Variants in ILK observed in about 807,000 individuals in gnomAD.
The protein encoded by ILK is integrin linked kinase, also known as scaffold protein ILK.
Under a neutral mutation model 57.8 loss-of-function variants are expected in ILK, and 37 were observed. That is an observed-to-expected ratio of 0.64 (90% CI 0.49 to 0.84). The LOEUF is 0.84. Ranked by LOEUF, ILK falls within the 40% of genes least tolerant of loss-of-function variation. The probability of loss-of-function intolerance (pLI) is 0.00; values close to 1 mark genes in which losing one functional copy is unlikely to be tolerated. For missense variants in ILK, 528 were observed against 595.7 expected (o/e 0.89, Z 1.18); for synonymous variants, 231 against 202.2 (o/e 1.14, Z -1.21).
chr11:6,609,554 C>T lies in ILK; in HGVS notation c.771C>T (p.Cys257=), dbSNP rs1292717719. The T allele has an allele frequency of 1.9e-6, 3 of 1,614,002 alleles. No individual in the cohort carries two copies. The highest frequency in any genetic ancestry group is 1.3e-5 in the African/African-American group (1 of 74,926). Residue 257 remains cysteine, a synonymous_variant, in exon 9 of 13, where the codon TGC becomes TGT. Coordinates refer to ENST00000299421, the MANE Select transcript of ILK (RefSeq NM_004517.4). ...ATGTGCTCCCAGTGCTAGGTGCCTGCCAGTCTCCACCTGCTCCTCATCCTA... is the reference window on the plus strand; with the variant it reads ...ATGTGCTCCCAGTGCTAGGTGCCTGTCAGTCTCCACCTGCTCCTCATCCTA... ...HPNVLPVLGA[C]QSPPAPHPTL...
rs770490553 is a variant in ILK at position 6,609,208 on chromosome 11, G to C, written c.618+52G>C. On this transcript the variant is annotated intron_variant, in intron 7 of 12. Transcript: ENST00000299421. ...CTCACTAAACCCCCATAAATTACTT[G>C]CTTTGTACCTGTTTTAAGTTTTTCC... The C allele has an allele frequency of 3.7e-6, 6 of 1,600,358 alleles. No individual in the cohort carries two copies. The South Asian group carries it at 6.6e-5, about 18-fold the overall frequency.
rs1564846859 is a variant in ILK, at chr11:6,609,063, A to T, written c.533-8A>T. On this transcript the variant is annotated splice_polypyrimidine_tract_variant and splice_region_variant and intron_variant, in intron 6 of 12. Coordinates refer to ENST00000299421, the MANE Select transcript of ILK (RefSeq NM_004517.4). ...GAAGCTGGGTACCTGACCTGCCCAC[A>T]CTCTTAGGAAATGGAACCCTGAACA... 17 of 1,613,742 alleles carry T rather than the reference A, an allele frequency of 1.1e-5. No individual in the cohort carries two copies. The highest frequency in any genetic ancestry group is 1.4e-5 in the Non-Finnish European group (16 of 1,179,726).
Position 6,610,714 on chromosome 11 carries a change from C to A in ILK, c.*103C>A. ...TCTGGTTGCCTCCCCCGCCTCCAGT[C>A]ATGGTACTACCCCAGCCATGGGGTC... is the stretch of plus-strand genomic sequence containing the variant. On this transcript the variant is annotated 3_prime_UTR_variant, in exon 13 of 13. Coordinates refer to ENST00000299421, the MANE Select transcript of ILK (RefSeq NM_004517.4). 1 of 1,448,578 alleles carries A rather than the reference C, an allele frequency of 6.9e-7. No individual in the cohort carries two copies. The highest frequency in any genetic ancestry group is 9.6e-7 in the Non-Finnish European group (1 of 1,038,436). 89.7% of individuals were successfully genotyped at this position (1,448,578 alleles called of 1,614,324 possible).
At chr11:6,604,852 G>C in intron 2 of ILK, 1 of 456,736 alleles carries the variant, frequency 2.2e-6, no homozygotes, top group Non-Finnish European at 4.4e-6. Context: ...CCATTTTTCA[G>C]TATCGTCTTG....
intron 2 of ILK, among the ~76,000 whole-genome samples, chr11:6,605,383 T>C (rs902212989): frequency 8.0e-6 from 1 of 124,558 alleles, no homozygotes; most frequent in Admixed American, 8.7e-5. Flanking sequence ...GAAAAAGAAA[T>C]AGGAAAATGT....
Position 6,608,142 on chromosome 11 carries a change from A to C in ILK, c.186A>C (p.Val62=), listed in dbSNP as rs1855121463. 8.7e-6 allele frequency: 14 copies of C among 1,614,118 alleles called. No homozygotes were observed. The highest frequency in any genetic ancestry group is 1.2e-5 in the Non-Finnish European group (14 of 1,179,990). ...MLIMRGARIN[V]MNRGDDTPLH... is the part of the protein sequence containing the mutation. ...TCATGCGGGGGGCACGGATCAATGT[A>C]ATGAACCGTGGGGATGACACCCCCC... Residue 62 remains valine, a synonymous_variant, in exon 3 of 13, where the codon GTA becomes GTC. Transcript: ENST00000299421. This position sits in a 1 kb window ranked among gnomAD's most constrained non-coding sequence, Gnocchi z 4.9.
rs753781705 is a variant in ILK at position 6,609,057 on chromosome 11, G to GC, written c.533-11dup. 8 of 1,613,152 alleles carry GC rather than the reference G, an allele frequency of 5.0e-6. No individual in the cohort carries two copies. Among genetic ancestry groups the GC allele is most frequent in the Non-Finnish European group, 6.8e-6 (8 of 1,179,098 alleles). On this transcript the variant is annotated splice_polypyrimidine_tract_variant and intron_variant, in intron 6 of 12. Coordinates refer to ENST00000299421, the MANE Select transcript of ILK (RefSeq NM_004517.4). ...TAGGGTGAAGCTGGGTACCTGACCT[G>GC]CCCACACTCTTAGGAAATGGAACCC...
chr11:6,609,857 A>G lies in ILK; in HGVS notation c.978+12A>G, dbSNP rs1855324175. 11 of 1,614,246 alleles carry G rather than the reference A, an allele frequency of 6.8e-6. No homozygotes were observed. The highest frequency in any genetic ancestry group is 8.5e-6 in the Non-Finnish European group (10 of 1,180,044). On this transcript the variant is annotated intron_variant, in intron 10 of 12. Transcript: ENST00000299421. Reference sequence around the variant, plus strand: ...GCCGTAGTGTAATGGTGAGGCCACAAGCTCACTCCTGGCCCAGGCCCCAAA... The same window carrying G: ...GCCGTAGTGTAATGGTGAGGCCACAGGCTCACTCCTGGCCCAGGCCCCAAA...
At position 6,610,194 on chromosome 11, in the gene ILK, G is replaced by C. The variant is rs1454962994; in HGVS notation, c.1125G>C (p.Met375Ile). ...PEDTNRRSAD[M>I]WSFAVLLWEL... ...ACACAAACAGACGCTCAGCAGACAT[G>C]TGGAGTTTTGCAGTGCTTCTGTGGG... The change falls in exon 12 of 13, where the codon ATG (methionine) becomes ATC (isoleucine). Residue 375 changes from methionine to isoleucine, a missense_variant. Coordinates refer to ENST00000299421, the MANE Select transcript of ILK (RefSeq NM_004517.4). 1 of 1,614,238 alleles carries C rather than the reference G, an allele frequency of 6.2e-7. No homozygotes were observed. The highest frequency in any genetic ancestry group is 8.5e-7 in the Non-Finnish European group (1 of 1,180,040).
rs914104293 is a variant in ILK, at chr11:6,604,564, G to C, written c.89+204G>C. 99 of 649,126 alleles carry C rather than the reference G, an allele frequency of 1.5e-4. No homozygotes were observed. In the Admixed American group the frequency reaches 2.1e-3, roughly 14 times the overall value. 40.2% of individuals were successfully genotyped at this position (649,126 alleles called of 1,614,324 possible). On this transcript the variant is annotated intron_variant, in intron 2 of 12. Coordinates refer to ENST00000299421, the MANE Select transcript of ILK (RefSeq NM_004517.4). ...GCAGAATAAGAGTTTCACAGGCAGA[G>C]GCTACAGAGAGCTTTCCAGCCTCAG...
In ILK at chr11:6,609,808, T is replaced by A. The variant is rs148581987; in HGVS notation, c.941T>A (p.Leu314His). Residue 314 changes from leucine to histidine, a missense_variant, in exon 10 of 13, where the codon CTC becomes CAC. Physicochemically the swap from Leu to His is moderately conservative, Grantham distance 99. Coordinates refer to ENST00000299421, the MANE Select transcript of ILK (RefSeq NM_004517.4). Reference protein sequence around the residue: ...GMAFLHTLEPLIPRHALNSRS... With the variant: ...GMAFLHTLEPHIPRHALNSRS... ...GCCTTCCTACACACACTAGAGCCCC[T>A]CATCCCACGACATGCACTCAATAGC... 2 of 1,614,148 alleles carry A rather than the reference T, an allele frequency of 1.2e-6. No individual in the cohort carries two copies. The highest frequency in any genetic ancestry group is 1.7e-6 in the Non-Finnish European group (2 of 1,180,020).
At chr11:6,606,388 C>T (rs1013430253) in intron 2 of ILK, 18 of 152,198 alleles carry the variant, frequency 1.2e-4, no homozygotes, top group Admixed American at 1.1e-3. Context: ...CTAGACTTCA[C>T]TGGTTCCCAT....
intron 2 of ILK, chr11:6,604,977 A>C: frequency 2.2e-6 from 1 of 447,250 alleles, no homozygotes; most frequent in Non-Finnish European, 4.5e-6. Flanking sequence ...AAATTCCAGA[A>C]GTCTTTAGGA....
rs766701483 is a variant in ILK, at chr11:6,609,388, T to C, written c.708T>C (p.Asn236=). Residue 236 remains asparagine (N), a synonymous_variant, in exon 8 of 13, where the codon AAT becomes AAC. Transcript: ENST00000299421. Reference sequence around the variant, plus strand: ...GTACAAGGAAGAGCAGGGACTTCAATGAAGAGTGTCCCCGGCTCAGGTAGT... The same window carrying C: ...GTACAAGGAAGAGCAGGGACTTCAACGAAGAGTGTCCCCGGCTCAGGTAGT... ...DWSTRKSRDF[N]EECPRLRIFS... The C allele has an allele frequency of 7.4e-6, 12 of 1,614,026 alleles. No homozygotes were observed. Among genetic ancestry groups the C allele is most frequent in the Non-Finnish European group, 1.0e-5 (12 of 1,179,996 alleles).
chr11:6,604,392 G>A (rs1423188074), intron 2 of ILK, 32 bp downstream of exon 2: 8 of 1,561,594 alleles, frequency 5.1e-6, no homozygotes, highest in Admixed American at 1.8e-5. Context: ...ATGAGAGGAA[G>A]GCTAGAGATC....
chr11:6,608,284 A>T lies in ILK; in HGVS notation c.255+73A>T. 1.3e-6 allele frequency: 2 copies of T among 1,581,716 alleles called. No individual in the cohort carries two copies. The highest frequency in any genetic ancestry group is 1.7e-6 in the Non-Finnish European group (2 of 1,150,512). On this transcript the variant is annotated intron_variant, in intron 3 of 12. Coordinates refer to ENST00000299421, the MANE Select transcript of ILK (RefSeq NM_004517.4). The surrounding 1 kb of genome is among the most constrained non-coding windows in gnomAD (Gnocchi z 4.9). ...GTCAGTCACAGGCACTGTAACATAC[A>T]GTAGAAAGCATGTGTGCTCTTCCCC...
intron 1 of ILK, 96 bp from the exon 2 acceptor site, chr11:6,604,084 G>A (rs1382085259): frequency 1.5e-6 from 1 of 648,912 alleles, no homozygotes; most frequent in African/African-American, 1.8e-5. Context: ...CACAGCCAGG[G>A]ATCATCCCGC....
chr11:6,607,206 G>A (rs1373279295), intron 2 of ILK: 1 of 152,244 alleles, frequency 6.6e-6, no homozygotes, highest in Non-Finnish European at 1.5e-5. Flanking sequence ...TTCCTTTTAT[G>A]GCCCCAGGCT....
Position 6,608,229 on chromosome 11 carries a change from C to T in ILK, c.255+18C>T, listed in dbSNP as rs754503849. Reference sequence around the variant, plus strand: ...TACAGAAGGTACGTACAAACTCCTTCGTCATCCACATCACATACATGCCAT... The same window carrying T: ...TACAGAAGGTACGTACAAACTCCTTTGTCATCCACATCACATACATGCCAT... On this transcript the variant is annotated intron_variant, in intron 3 of 12. Coordinates refer to ENST00000299421, the MANE Select transcript of ILK (RefSeq NM_004517.4). This position sits in a 1 kb window ranked among gnomAD's most constrained non-coding sequence, Gnocchi z 4.9. The T allele has an allele frequency of 7.4e-6, 12 of 1,613,898 alleles. No homozygotes were observed. Among genetic ancestry groups the T allele is most frequent in the East Asian group, 6.7e-5 (3 of 44,876 alleles).
Sources: allele counts gnomAD v4.1 joint callset (sites outside exome capture counted in the v4.1 genomes callset), GRCh38; gene constraint gnomAD v4.1.1; non-coding constraint Gnocchi (gnomAD v3.1); transcripts MANE v1.5; gene names NCBI Gene and HGNC (gene_info 2026-07-23, HGNC 2026-07-21).